The following YDJC variants were observed in gnomAD, a reference collection of about 807,000 sequenced individuals.
The protein encoded by YDJC is YdjC chitooligosaccharide deacetylase homolog.
A neutral mutation model predicts 18.9 loss-of-function variants in YDJC; 23 were observed. The ratio of observed to expected loss-of-function variants is 1.22; its 90% CI spans 0.87 to 1.72. The LOEUF is 1.72. YDJC is among the 40% of genes most tolerant of loss of function. The pLI is 0.00. For synonymous variants in YDJC, 224 were observed against 217.6 expected, an observed-to-expected ratio of 1.03 and a Z score of -0.26; for missense variants, 467 against 470.8, an observed-to-expected ratio of 0.99 and a Z score of 0.07.
chr22:21,628,328 C>T lies in YDJC; in HGVS notation c.*90G>A. On this transcript the variant is annotated 3_prime_UTR_variant, in exon 5 of 5. Coordinates refer to ENST00000292778, the MANE Select transcript of YDJC (RefSeq NM_001017964.2). ...CCCAGGGAAGTCAACAGATCGTGCT[C>T]CAGGTCCCAGCTCTGGGCTGGGCCA... The T allele has an allele frequency of 6.9e-7, 1 of 1,448,464 alleles. No homozygotes were observed. The highest frequency in any genetic ancestry group is 2.5e-5 in the East Asian group (1 of 40,560). 89.7% of individuals were successfully genotyped at this position (1,448,464 alleles called of 1,614,324 possible). A position where few individuals can be genotyped will look rare whatever the true frequency, so the allele number is the denominator to read the frequency against.
At position 21,628,270 on chromosome 22, in the gene YDJC, T is replaced by C; in HGVS notation, c.*148A>G. 8.8e-7 allele frequency: 1 copy of C among 1,137,626 alleles called. No homozygotes were observed. The allele number at this position is 1,137,626 out of a possible 1,614,324, so 70.5% of individuals were successfully genotyped here. On this transcript the variant is annotated 3_prime_UTR_variant, in exon 5 of 5. Coordinates refer to ENST00000292778, the MANE Select transcript of YDJC (RefSeq NM_001017964.2). The stretch of plus-strand genomic sequence containing the variant: ...AAACTCTAGATGCCATTTGGAGGCA[T>C]GAGGACCTGAGCCCAGAGGTGGCAG...
Position 21,629,923 on chromosome 22 carries a change from G to T in YDJC, c.92C>A (p.Ala31Asp). Residue 31 changes from alanine to aspartate, a missense_variant, in exon 1 of 5, where the codon GCC becomes GAC. By Grantham distance (126) the Ala-to-Asp change is moderately radical. Transcript: ENST00000292778. ...CAGGGACACGCTGGTCACAGCCCCGGCCAGAAAGGCCTCCACGATACCCTC... is the reference window on the plus strand; with the variant it reads ...CAGGGACACGCTGGTCACAGCCCCGTCCAGAAAGGCCTCCACGATACCCTC... ...RDEGIVEAFL[A>D]GAVTSVSLLV... The T allele has an allele frequency of 6.2e-7, 1 of 1,603,440 alleles. No individual in the cohort carries two copies. The highest frequency in any genetic ancestry group is 8.5e-7 in the Non-Finnish European group (1 of 1,177,976).
In YDJC at chr22:21,630,021, C is replaced by T. The variant is rs1486453595; in HGVS notation, c.-7G>A. On this transcript the variant is annotated 5_prime_UTR_variant, in exon 1 of 5. Transcript: ENST00000292778. The stretch of plus-strand genomic sequence containing the variant: ...GCATGCGAGGGCGGGACATGGCCGC[C>T]TGGGTCCACCGCTCGCGCTCCCAGG... 8.2e-6 allele frequency: 13 copies of T among 1,589,208 alleles called. 2 individuals are homozygous for T. Among genetic ancestry groups the T allele is most frequent in the African/African-American group, 2.8e-5 (2 of 72,490 alleles).
In YDJC at chr22:21,628,628, G is replaced by C. The variant is rs752729070; in HGVS notation, c.762C>G (p.Thr254=). The C allele has an allele frequency of 6.3e-7, 1 of 1,591,222 alleles. No homozygotes were observed. Residue 254 remains threonine (T), a synonymous_variant, in exon 5 of 5, where the codon ACC becomes ACG. Transcript: ENST00000292778. The part of the protein sequence containing the change: ...AHPGYPSVPP[T]GGCGEGPDAF... ...CGTCGGGGCCTTCACCGCAGCCGCCGGTGGGAGGCACACTGGGGTAGCCGG... is the reference window on the plus strand; with the variant it reads ...CGTCGGGGCCTTCACCGCAGCCGCCCGTGGGAGGCACACTGGGGTAGCCGG...
At position 21,628,270 on chromosome 22, in the gene YDJC, T is replaced by A. The variant is rs12158674; in HGVS notation, c.*148A>T. ...AAACTCTAGATGCCATTTGGAGGCA[T>A]GAGGACCTGAGCCCAGAGGTGGCAG... On this transcript the variant is annotated 3_prime_UTR_variant, in exon 5 of 5. Transcript: ENST00000292778. 158 of 1,137,626 alleles carry A rather than the reference T, an allele frequency of 1.4e-4. No homozygotes were observed. In the African/African-American group the frequency reaches 2.1e-3, roughly 15 times the overall value. 70.5% of individuals were successfully genotyped at this position (1,137,626 alleles called of 1,614,324 possible). A position where few individuals can be genotyped will look rare whatever the true frequency, so the allele number is the denominator to read the frequency against.
Position 21,629,922 on chromosome 22 carries a change from G to A in YDJC, c.93C>T (p.Ala31=), listed in dbSNP as rs201255408. ...RDEGIVEAFL[A]GAVTSVSLLV... Reference sequence around the variant, plus strand: ...GCAGGGACACGCTGGTCACAGCCCCGGCCAGAAAGGCCTCCACGATACCCT... The same window carrying A: ...GCAGGGACACGCTGGTCACAGCCCCAGCCAGAAAGGCCTCCACGATACCCT... The change falls in exon 1 of 5, where the codon GCC becomes GCT. Residue 31 remains alanine (A), a synonymous_variant. Coordinates refer to ENST00000292778, the MANE Select transcript of YDJC (RefSeq NM_001017964.2). The A allele has an allele frequency of 3.1e-4, 497 of 1,603,232 alleles. 4 individuals carry two copies. The East Asian group carries it at 8.6e-3, about 28-fold the overall frequency.
chr22:21,629,278 C>G, intron 3 of YDJC, 30 bp downstream of exon 3: 2 of 1,550,422 alleles, frequency 1.3e-6, no homozygotes, highest in Non-Finnish European at 1.7e-6. Flanking sequence ...GGGAGTAACG[C>G]CCTCCAAACT....
chr22:21,628,626 C>T lies in YDJC; in HGVS notation c.764G>A (p.Gly255Asp). The change falls in exon 5 of 5, where the codon GGC (glycine) becomes GAC (aspartate). Residue 255 changes from glycine to aspartate, a missense_variant. Gly to Asp is a moderately conservative substitution (Grantham distance 94). Coordinates refer to ENST00000292778, the MANE Select transcript of YDJC (RefSeq NM_001017964.2). ...HPGYPSVPPT[G>D]GCGEGPDAFS... ...AGCGTCGGGGCCTTCACCGCAGCCGCCGGTGGGAGGCACACTGGGGTAGCC... is the reference window on the plus strand; with the variant it reads ...AGCGTCGGGGCCTTCACCGCAGCCGTCGGTGGGAGGCACACTGGGGTAGCC... 2 of 1,591,548 alleles carry T rather than the reference C, an allele frequency of 1.3e-6. No individual in the cohort carries two copies. Among genetic ancestry groups the T allele is most frequent in the Non-Finnish European group, 1.7e-6 (2 of 1,169,940 alleles).
Position 21,628,351 on chromosome 22 carries a change from C to T in YDJC, c.*67G>A, listed in dbSNP as rs1930321730. ...CTCCAGGTCCCAGCTCTGGGCTGGGCCAGGACTAAATCCTGGCTCCCCTTT... is the reference window on the plus strand; with the variant it reads ...CTCCAGGTCCCAGCTCTGGGCTGGGTCAGGACTAAATCCTGGCTCCCCTTT... On this transcript the variant is annotated 3_prime_UTR_variant, in exon 5 of 5. Coordinates refer to ENST00000292778, the MANE Select transcript of YDJC (RefSeq NM_001017964.2). The T allele has an allele frequency of 1.4e-6, 2 of 1,479,876 alleles. No homozygotes were observed. The highest frequency in any genetic ancestry group is 2.4e-5 in the East Asian group (1 of 41,716). 91.7% of individuals were successfully genotyped at this position (1,479,876 alleles called of 1,614,324 possible).
Position 21,628,727 on chromosome 22 carries a change from C to G in YDJC, c.663G>C (p.Val221=). The change falls in exon 5 of 5, where the codon GTG becomes GTC. Residue 221 remains valine, a synonymous_variant. Coordinates refer to ENST00000292778, the MANE Select transcript of YDJC (RefSeq NM_001017964.2). ...CCAGGACCCGCGCCAGGGCCCCGGA[C>G]ACGCGGTGAGCGGACATGTGCCGGC... ...TCGRHMSAHR[V]SGALARVLEG... is the part of the protein sequence containing the mutation. The G allele has an allele frequency of 6.5e-7, 1 of 1,528,782 alleles. No individual in the cohort carries two copies. Among genetic ancestry groups the G allele is most frequent in the Non-Finnish European group, 8.8e-7 (1 of 1,138,610 alleles). The allele number at this position is 1,528,782 out of a possible 1,614,324, so 94.7% of individuals were successfully genotyped here. A position where few individuals can be genotyped will look rare whatever the true frequency, so the allele number is the denominator to read the frequency against.
chr22:21,629,060 C>G lies in YDJC; in HGVS notation c.552G>C (p.Val184=). ...CCACGGCGGCCCGGGCGTCGCGCTC[C>G]ACGGCGCAGGCGAAGGCACGCGCGG... ...EAPARAFACA[V]ERDARAAVGP... is the part of the protein sequence containing the mutation. The change falls in exon 4 of 5, where the codon GTG becomes GTC. Residue 184 remains valine (V), a synonymous_variant. Coordinates refer to ENST00000292778, the MANE Select transcript of YDJC (RefSeq NM_001017964.2). 1 of 1,527,094 alleles carries G rather than the reference C, an allele frequency of 6.5e-7. No individual in the cohort carries two copies. Among genetic ancestry groups the G allele is most frequent in the Non-Finnish European group, 8.8e-7 (1 of 1,142,490 alleles). The allele number at this position is 1,527,094 out of a possible 1,614,324, so 94.6% of individuals were successfully genotyped here. A position where few individuals can be genotyped will look rare whatever the true frequency, so the allele number is the denominator to read the frequency against.
Position 21,629,993 on chromosome 22 carries a change from G to C in YDJC, c.22C>G (p.Leu8Val). Residue 8 changes from leucine to valine, a missense_variant, in exon 1 of 5, where the codon CTG (leucine) becomes GTG (valine). Physicochemically the swap from Leu to Val is conservative, Grantham distance 32. Transcript: ENST00000292778. Reference sequence around the variant, plus strand: ...CCAAAGTCGTCCGCGGTGACCACCAGGCGCATGCGAGGGCGGGACATGGCC... The same window carrying C: ...CCAAAGTCGTCCGCGGTGACCACCACGCGCATGCGAGGGCGGGACATGGCC... MSRPRMR[L>V]VVTADDFGYC... The C allele has an allele frequency of 6.3e-7, 1 of 1,599,796 alleles. No individual in the cohort carries two copies.
At position 21,629,614 on chromosome 22, in the gene YDJC, C is replaced by T. The variant is rs995726416; in HGVS notation, c.312G>A (p.Val104=). The change falls in exon 2 of 5, where the codon GTG becomes GTA. Residue 104 remains valine, a synonymous_variant. Coordinates refer to ENST00000292778, the MANE Select transcript of YDJC (RefSeq NM_001017964.2). ...TGCGGCTCCGCACCTGAGGCAAATC[C>T]ACGTCTCCGGCCGCCACCGCCTCCC... ...GFREAVAAGD[V]DLPQVREELE... The T allele has an allele frequency of 6.2e-7, 1 of 1,612,432 alleles. No homozygotes were observed. The highest frequency in any genetic ancestry group is 1.3e-5 in the African/African-American group (1 of 74,934).
At position 21,629,168 on chromosome 22, in the gene YDJC, G is replaced by A; in HGVS notation, c.444C>T (p.Ala148=). The A allele has an allele frequency of 1.3e-6, 2 of 1,541,942 alleles. No individual in the cohort carries two copies. Among genetic ancestry groups the A allele is most frequent in the South Asian group, 1.2e-5 (1 of 83,904 alleles). Reference sequence around the variant, plus strand: ...GCACCCCATAGGCCTGCAGCGCCTCGGCGAACACCTGGCACACGCCTGCGG... The same window carrying A: ...GCACCCCATAGGCCTGCAGCGCCTCAGCGAACACCTGGCACACGCCTGCGG... ...HVLPGVCQVF[A]EALQAYGVRF... Residue 148 remains alanine, a synonymous_variant, in exon 4 of 5, where the codon GCC becomes GCT. Coordinates refer to ENST00000292778, the MANE Select transcript of YDJC (RefSeq NM_001017964.2).
chr22:21,628,857 G>A, intron 4 of YDJC, 70 bp from the exon 5 acceptor site: 1 of 1,426,136 alleles, frequency 7.0e-7, no homozygotes, highest in Non-Finnish European at 9.1e-7. Context: ...GGCTAGGGAA[G>A]GGACGGCGGG....
At position 21,629,865 on chromosome 22, in the gene YDJC, C is replaced by T. The variant is rs1930429086; in HGVS notation, c.150G>A (p.Ala50=). ...CCTCCCCTCACCTGCGGGCCAGCTC[C>T]GCCGCGCTCTCCGTGGCCGCACCGT... ...LVNGAATESA[A]ELARRHSIPT... Residue 50 remains alanine, a synonymous_variant, in exon 1 of 5, where the codon GCG becomes GCA. Coordinates refer to ENST00000292778, the MANE Select transcript of YDJC (RefSeq NM_001017964.2). The T allele has an allele frequency of 2.6e-6, 4 of 1,566,894 alleles. No individual in the cohort carries two copies. The highest frequency in any genetic ancestry group is 3.7e-5 in the Admixed American group (2 of 54,424).
rs1930344690 is a variant in YDJC at position 21,628,723 on chromosome 22, C to T, written c.667G>A (p.Gly223Arg). The T allele has an allele frequency of 1.3e-6, 2 of 1,529,816 alleles. No individual in the cohort carries two copies. The highest frequency in any genetic ancestry group is 2.5e-5 in the East Asian group (1 of 40,614). 94.8% of individuals were successfully genotyped at this position (1,529,816 alleles called of 1,614,324 possible). ...CCTTCCAGGACCCGCGCCAGGGCCC[C>T]GGACACGCGGTGAGCGGACATGTGC... is the stretch of plus-strand genomic sequence containing the variant. ...GRHMSAHRVSGALARVLEGTL... is the reference protein window; with the variant it reads ...GRHMSAHRVSRALARVLEGTL... Residue 223 changes from glycine (G) to arginine (R), a missense_variant, in exon 5 of 5, where the codon GGG (glycine) becomes AGG (arginine). Gly to Arg is a moderately radical substitution (Grantham distance 125). Coordinates refer to ENST00000292778, the MANE Select transcript of YDJC (RefSeq NM_001017964.2).
rs1930371049 is a variant in YDJC, at chr22:21,629,029, A to G, written c.583T>C (p.Phe195Leu). 4 of 1,480,582 alleles carry G rather than the reference A, an allele frequency of 2.7e-6. No homozygotes were observed. In the East Asian group the frequency reaches 7.5e-5, roughly 28 times the overall value. 91.7% of individuals were successfully genotyped at this position (1,480,582 alleles called of 1,614,324 possible). Residue 195 changes from phenylalanine (F) to leucine (L), a missense_variant, in exon 4 of 5, where the codon TTC becomes CTC. Transcript: ENST00000292778. ...ERDARAAVGPFSRHGLRWTDA... is the reference protein window; with the variant it reads ...ERDARAAVGPLSRHGLRWTDA... ...CCTCACCGCAGGCCGTGGCGGGAGAAGGGGCCCACGGCGGCCCGGGCGTCG... is the reference window on the plus strand; with the variant it reads ...CCTCACCGCAGGCCGTGGCGGGAGAGGGGGCCCACGGCGGCCCGGGCGTCG...
At position 21,629,958 on chromosome 22, in the gene YDJC, C is replaced by T. The variant is rs1400303524; in HGVS notation, c.57G>A (p.Pro19=). Residue 19 remains proline, a synonymous_variant, in exon 1 of 5, where the codon CCG becomes CCA. Coordinates refer to ENST00000292778, the MANE Select transcript of YDJC (RefSeq NM_001017964.2). ...VVTADDFGYC[P]RRDEGIVEAF... ...CCTCCACGATACCCTCATCGCGTCG[C>T]GGGCAGTAACCAAAGTCGTCCGCGG... 5 of 1,604,676 alleles carry T rather than the reference C, an allele frequency of 3.1e-6. No individual in the cohort carries two copies. The highest frequency in any genetic ancestry group is 4.2e-6 in the Non-Finnish European group (5 of 1,178,376).
Sources: gnomAD v4.1 joint callset for allele counts on GRCh38, gnomAD v4.1.1 for gene constraint, MANE v1.5 for transcripts, NCBI Gene and HGNC (gene_info 2026-07-23, HGNC 2026-07-21) for gene names.